The following MPP4 variants were observed in gnomAD, a reference collection of about 807,000 sequenced individuals.
The protein encoded by MPP4 is MAGUK p55 scaffold protein 4, also known as MAGUK p55 subfamily member 4.
MPP4 carries 91 observed loss-of-function variants against 98.3 expected under a neutral mutation model. The ratio of observed to expected loss-of-function variants is 0.93; its 90% confidence interval spans 0.78 to 1.10. The LOEUF is 1.10. Ranked by LOEUF, MPP4 falls within the 50% of genes least tolerant of loss-of-function variation. The probability of loss-of-function intolerance (pLI) is 0.00; values close to 1 mark genes in which losing one functional copy is unlikely to be tolerated. For missense variants in MPP4, 744 were observed against 792.9 expected, an observed-to-expected ratio of 0.94 and a Z score of 0.74; for synonymous variants, 261 against 271.8, an observed-to-expected ratio of 0.96 and a Z score of 0.39.
At chr2:201,687,725 T>C (rs1257421533) in intron 4 of MPP4, among the ~76,000 whole-genome samples, 1 of 152,228 alleles carries the variant, frequency 6.6e-6, no homozygotes, top group Non-Finnish European at 1.5e-5. Context: ...CTGATGTCAA[T>C]GCTTTGCAGG....
intron 20 of MPP4, among the ~76,000 whole-genome samples, chr2:201,648,885 G>T (rs4675208): frequency 0.46 from 69,686 of 151,438 alleles, 16,197 homozygotes; most frequent in East Asian, 0.63. Context: ...CAAACATGGC[G>T]AAACCCTGTC....
chr2:201,690,062 A>C (rs967621358), intron 4 of MPP4, 140 bp downstream of exon 4: 37 of 510,708 alleles, frequency 7.2e-5, no homozygotes, highest in Middle Eastern at 4.9e-4. Flanking sequence ...CTTATATTAA[A>C]GTTCAATTAG....
At position 201,645,180 on chromosome 2, in the gene MPP4, T is replaced by C. The variant is rs1574591843; in HGVS notation, c.*30A>G. The C allele has an allele frequency of 6.3e-7, 1 of 1,589,282 alleles. No homozygotes were observed. Among genetic ancestry groups the C allele is most frequent in the East Asian group, 2.2e-5 (1 of 44,620 alleles). On this transcript the variant is annotated 3_prime_UTR_variant, in exon 22 of 22. Coordinates refer to ENST00000409474, the MANE Select transcript of MPP4 (RefSeq NM_033066.3). ...ATGGATCGCTGTATCAAGGGTACAG[T>C]GTTAAAACTCCAGCATTAAACAAGA...
At chr2:201,651,906 T>C (rs1687723899) in intron 18 of MPP4, 1 of 570,870 alleles carries the variant, frequency 1.8e-6, no homozygotes, top group Non-Finnish European at 2.2e-6. Flanking sequence ...TGAGCCGAGA[T>C]AACACCACGG....
intron 14 of MPP4, among the ~76,000 whole-genome samples, chr2:201,663,468 C>T (rs1238523049): frequency 6.6e-6 from 1 of 152,148 alleles, no homozygotes; most frequent in Non-Finnish European, 1.5e-5. Flanking sequence ...TGTGGTGGCT[C>T]ACTTTGGGAG....
At chr2:201,672,460 G>A (rs1042528994) in intron 11 of MPP4, among the ~76,000 whole-genome samples, 1 of 152,108 alleles carries the variant, frequency 6.6e-6, no homozygotes, top group African/African-American at 2.4e-5. Context: ...GAATTCAGGA[G>A]CTGGATTTTT....
chr2:201,687,345 AG>A lies in MPP4; in HGVS notation c.305del (p.Pro102LeufsTer9). 2 of 1,583,932 alleles carry A rather than the reference AG, an allele frequency of 1.3e-6. No individual in the cohort carries two copies. The highest frequency in any genetic ancestry group is 1.7e-6 in the Non-Finnish European group (2 of 1,163,272). ...TCAGCTCTTGGATCTCAGGGGAAGT[AG>A]GGGTTTCACGTAATAACTCCACTAC... is the stretch of plus-strand genomic sequence containing the variant. ...YEVVELLRETPTSPEIQELRQ... is the reference protein window; with the variant it reads ...YEVVELLRETXTSPEIQELRQ... On this transcript the variant is annotated frameshift_variant, in exon 5 of 22. Transcript: ENST00000409474. LOFTEE classifies it high-confidence loss of function.
At chr2:201,685,237 CAATGCAGCTCTGGTCTTTCA>C in intron 6 of MPP4, 92 bp from the exon 7 acceptor site, 1 of 259,200 alleles carries the variant, frequency 3.9e-6, no homozygotes, top group Non-Finnish European at 6.0e-6. Context: ...GTCTTTCAAT[CAATGCAGCTCTGGTCTTTCA>C]ATCAATGCAG....
intron 11 of MPP4, among the ~76,000 whole-genome samples, chr2:201,674,434 C>A (rs1688441749): frequency 6.6e-6 from 1 of 152,170 alleles, no homozygotes; most frequent in Admixed American, 6.5e-5. Flanking sequence ...ATTTAGAGAT[C>A]TCCTAGGCAG....
intron 15 of MPP4, among the ~76,000 whole-genome samples, chr2:201,659,419 G>A (rs1345068501): frequency 2.6e-5 from 4 of 152,036 alleles, no homozygotes; most frequent in Admixed American, 2.6e-4. Flanking sequence ...TCAAACTCCT[G>A]TTTCTCCTTT....
intron 21 of MPP4, 44 bp from the exon 22 acceptor site, chr2:201,645,448 G>T: frequency 6.8e-7 from 1 of 1,479,956 alleles, no homozygotes; most frequent in African/African-American, 1.4e-5. Flanking sequence ...GACTTAATTG[G>T]ACAAATGGAA....
At position 201,693,856 on chromosome 2, in the gene MPP4, G is replaced by A. The variant is rs939496134; in HGVS notation, c.79+20C>T. 4 of 1,613,722 alleles carry A rather than the reference G, an allele frequency of 2.5e-6. No homozygotes were observed. The highest frequency in any genetic ancestry group is 3.4e-6 in the Non-Finnish European group (4 of 1,179,638). On this transcript the variant is annotated intron_variant, in intron 2 of 21. Coordinates refer to ENST00000409474, the MANE Select transcript of MPP4 (RefSeq NM_033066.3). Reference sequence around the variant, plus strand: ...TGATATTACTTTCTGGTCTAGAAAAGGAGTCCTGGTGACACATACCATTCT... The same window carrying A: ...TGATATTACTTTCTGGTCTAGAAAAAGAGTCCTGGTGACACATACCATTCT...
intron 15 of MPP4, 104 bp downstream of exon 15, chr2:201,660,228 G>A (rs898852758): frequency 3.1e-5 from 34 of 1,112,078 alleles, no homozygotes; most frequent in African/African-American, 6.3e-5. Context: ...AACAAATTCC[G>A]TATCTTCATC....
intron 10 of MPP4, among the ~76,000 whole-genome samples, chr2:201,677,547 C>T (rs1043225749): frequency 1.7e-4 from 26 of 152,192 alleles, no homozygotes; most frequent in Non-Finnish European, 2.8e-4. Context: ...ACAAAACCCC[C>T]CCAGCTACTT....
In MPP4 at chr2:201,668,293, G is replaced by T. The variant is rs568378174; in HGVS notation, c.1012+1440C>A. ...ATTGTGTTCCCCCCAGTATTCATAT[G>T]TTGAAGCCCTTGCCCTCAGTATGGC... On this transcript the variant is annotated intron_variant, in intron 12 of 21. Coordinates refer to ENST00000409474, the MANE Select transcript of MPP4 (RefSeq NM_033066.3). 2.6e-5 allele frequency among the ~76,000 whole-genome samples: 4 copies of T among 152,262 alleles called. No homozygotes were observed. In the South Asian group the frequency reaches 8.3e-4, roughly 32 times the overall value.
chr2:201,678,727 G>C (rs376576705), intron 10 of MPP4, among the ~76,000 whole-genome samples: 2 of 152,054 alleles, frequency 1.3e-5, no homozygotes, highest in Non-Finnish European at 2.9e-5. Context: ...GCCTGGAGGT[G>C]GGGGGTGTGT....
intron 18 of MPP4, 91 bp downstream of exon 18, chr2:201,654,746 T>C (rs1258214049): frequency 3.5e-6 from 3 of 851,694 alleles, no homozygotes; most frequent in Non-Finnish European, 5.3e-6. Context: ...TGTATACTTT[T>C]ACAACAAAGA....
At chr2:201,663,290 C>T (rs374082990) in intron 14 of MPP4, among the ~76,000 whole-genome samples, 15 of 152,242 alleles carry the variant, frequency 9.9e-5, no homozygotes, top group East Asian at 9.6e-4. Flanking sequence ...AGTTAAAGGC[C>T]AGGAGTATCC....
At chr2:201,657,587 C>CTTTTTTTTTTT (rs1394116666) in intron 16 of MPP4, among the ~76,000 whole-genome samples, 4 of 66,316 alleles carry the variant, frequency 6.0e-5, no homozygotes, top group Non-Finnish European at 7.2e-5. Flanking sequence ...AACCCTGGCC[C>CTTTTTTTTTTT]TTGTTTTTTT....
Sources: allele counts gnomAD v4.1 joint callset (sites outside exome capture counted in the v4.1 genomes callset), GRCh38; gene constraint gnomAD v4.1.1; transcripts MANE v1.5; gene names NCBI Gene and HGNC (gene_info 2026-07-23, HGNC 2026-07-21).